The following FXYD3 variants were observed in gnomAD, a reference collection of about 807,000 sequenced individuals.
FXYD3 encodes the protein FXYD domain containing ion transport regulator 3, also known as FXYD domain-containing ion transport regulator 3.
FXYD3 carries 13 observed loss-of-function variants against 19.2 expected under a neutral mutation model. That is an observed-to-expected ratio of 0.68 (90% CI 0.44 to 1.08). The LOEUF is 1.08. Among genes scored for constraint, FXYD3 ranks in the 50% least tolerant of loss-of-function variants. The pLI, the probability that FXYD3 is intolerant of heterozygous loss-of-function variation, is 0.00. For missense variants in FXYD3, 101 were observed against 109.4 expected (o/e 0.92, Z 0.34); for synonymous variants, 48 against 38.9 (o/e 1.23, Z -0.87).
At chr19:35,119,713 C>T in intron 3 of FXYD3, 1 of 477,410 alleles carries the variant, frequency 2.1e-6, no homozygotes, top group Non-Finnish European at 3.8e-6. Context: ...CTCTGTTGCT[C>T]AGGCTGGAGT....
chr19:35,119,108 C>A, intron 2 of FXYD3: 2 of 1,239,694 alleles, frequency 1.6e-6, no homozygotes, highest in Non-Finnish European at 2.3e-6. Context: ...GGTTGCGGGG[C>A]GATTCCCAGA....
rs765187472 is a variant in FXYD3 at position 35,119,376 on chromosome 19, C to G, written c.-1C>G. 6.2e-7 allele frequency: 1 copy of G among 1,614,066 alleles called. No individual in the cohort carries two copies. Among genetic ancestry groups the G allele is most frequent in the Non-Finnish European group, 8.5e-7 (1 of 1,180,018 alleles). On this transcript the variant is annotated 5_prime_UTR_variant, in exon 3 of 9. Coordinates refer to ENST00000604404, the MANE Select transcript of FXYD3 (RefSeq NM_005971.4). ...CCACCCCTCTAGGCCAGCGCTCTGA[C>G]ATGCAGAAGGTGACCCTGGGCCTGC...
rs777156888 is a variant in FXYD3 at position 35,121,253 on chromosome 19, C to T, written c.97+8C>T. On this transcript the variant is annotated splice_region_variant and intron_variant, in intron 5 of 8. Transcript: ENST00000604404. ...ACAGTCCTTTCTACTATGGTGAGAG[C>T]CCGTGCCCCCTTTCCCCTCCCCACA... The T allele has an allele frequency of 1.9e-6, 3 of 1,613,782 alleles. No homozygotes were observed. In the Admixed American group the frequency reaches 5.0e-5, roughly 27 times the overall value.
intron 7 of FXYD3, 143 bp from the exon 8 acceptor site, chr19:35,123,128 A>C: frequency 6.8e-7 from 1 of 1,472,308 alleles, no homozygotes; most frequent in Non-Finnish European, 9.0e-7. Flanking sequence ...CCAAATCCTG[A>C]AATGCTTTGG....
Position 35,121,033 on chromosome 19 carries a change from A to G in FXYD3, c.41-45A>G, listed in dbSNP as rs764576490. On this transcript the variant is annotated intron_variant, in intron 3 of 8. Transcript: ENST00000604404. ...CAGGCCCTGCCCAAAGGCTTGGCTG[A>G]GGCCGGCATCACCATCTCCCCTCCT... 20 of 1,610,276 alleles carry G rather than the reference A, an allele frequency of 1.2e-5. No individual in the cohort carries two copies. The South Asian group carries it at 2.0e-4, about 16-fold the overall frequency.
chr19:35,117,093 C>T (rs1482646820), intron 2 of FXYD3: 1 of 985,196 alleles, frequency 1.0e-6, no homozygotes, highest in African/African-American at 1.7e-5. Flanking sequence ...GACAGAGCAT[C>T]AGCTGCAGGG....
At chr19:35,116,228 G>C in intron 1 of FXYD3, 36 bp from the exon 2 acceptor site, 1 of 985,440 alleles carries the variant, frequency 1.0e-6, no homozygotes, top group African/African-American at 1.7e-5. Flanking sequence ...GAGCCCCTGG[G>C]CCTCAGGGCA....
intron 5 of FXYD3, 51 bp from the exon 6 acceptor site, chr19:35,122,714 A>C: frequency 7.1e-7 from 1 of 1,409,864 alleles, no homozygotes; most frequent in Non-Finnish European, 1.0e-6. Context: ...ATGGGGGGAC[A>C]GATGGAGAGG....
chr19:35,123,106 C>T (rs942710675), intron 7 of FXYD3, 152 bp downstream of exon 7: 18 of 1,460,132 alleles, frequency 1.2e-5, no homozygotes, highest in Non-Finnish European at 7.2e-6. Context: ...AGCTGGTAAT[C>T]CCCAGGGGGC....
At chr19:35,118,102 TC>T (rs2064941434) in intron 2 of FXYD3, 1 of 152,214 alleles carries the variant, frequency 6.6e-6, no homozygotes, top group South Asian at 2.1e-4. Flanking sequence ...ACACCTGTAA[TC>T]CCAGCACTGA....
Position 35,116,274 on chromosome 19 carries a change from G to A in FXYD3, c.-100G>A, listed in dbSNP as rs1665353637. On this transcript the variant is annotated 5_prime_UTR_variant, in exon 2 of 9. Coordinates refer to ENST00000604404, the MANE Select transcript of FXYD3 (RefSeq NM_005971.4). The stretch of plus-strand genomic sequence containing the variant: ...TTTCTACCTGCCCAGGTTTGCTTAG[G>A]GCGTGGCAGCTTCGGATAAACGCAG... 1 of 985,312 alleles carries A rather than the reference G, an allele frequency of 1.0e-6. No homozygotes were observed. Among genetic ancestry groups the A allele is most frequent in the African/African-American group, 1.7e-5 (1 of 57,220 alleles). The allele number at this position is 985,312 out of a possible 1,614,324, so 61.0% of individuals were successfully genotyped here.
chr19:35,117,358 C>G, intron 2 of FXYD3: 4 of 1,504,712 alleles, frequency 2.7e-6, no homozygotes, highest in Non-Finnish European at 3.5e-6. Flanking sequence ...TTGGAGGAGC[C>G]CCTGGAAAGA....
At position 35,119,269 on chromosome 19, in the gene FXYD3, C is replaced by T. The variant is rs74977552; in HGVS notation, c.-14-94C>T. On this transcript the variant is annotated intron_variant, in intron 2 of 8. Coordinates refer to ENST00000604404, the MANE Select transcript of FXYD3 (RefSeq NM_005971.4). ...TGTCCCGGGTGAGCTGCGCACCCTG[C>T]CTGGGGAGCAGGGGAGGAGGGTTGG... 1,759 of 1,610,864 alleles carry T rather than the reference C, an allele frequency of 1.1e-3. 18 individuals are homozygous for T. The African/African-American group carries it at 0.02, about 19-fold the overall frequency.
In FXYD3 at chr19:35,121,285, C is replaced by CA. The variant is rs771232295; in HGVS notation, c.97+41dup. On this transcript the variant is annotated intron_variant, in intron 5 of 8. Coordinates refer to ENST00000604404, the MANE Select transcript of FXYD3 (RefSeq NM_005971.4). ...CCCCTTTCCCCTCCCCACAACCCCA[C>CA]ATACTGCTTGGTGCCAAGGGTTCCC... is the stretch of plus-strand genomic sequence containing the variant. 4.3e-5 allele frequency: 70 copies of CA among 1,614,080 alleles called. No homozygotes were observed. The Middle Eastern group carries it at 2.3e-3, about 53-fold the overall frequency.
At chr19:35,118,067 A>G (rs2064940503) in intron 2 of FXYD3, 1 of 152,328 alleles carries the variant, frequency 6.6e-6, no homozygotes, top group African/African-American at 2.4e-5. Flanking sequence ...TATCAAAATT[A>G]TAACTAGGCC....
chr19:35,123,495 C>T lies in FXYD3; in HGVS notation c.*38C>T. On this transcript the variant is annotated 3_prime_UTR_variant, in exon 9 of 9. Coordinates refer to ENST00000604404, the MANE Select transcript of FXYD3 (RefSeq NM_005971.4). The stretch of plus-strand genomic sequence containing the variant: ...AGCTGAAATTGGGTGGAGGACCGTT[C>T]TCTGTCCCCAGGTCCTGTCTCTGCA... 6.2e-7 allele frequency: 1 copy of T among 1,611,586 alleles called. No homozygotes were observed. Among genetic ancestry groups the T allele is most frequent in the Non-Finnish European group, 8.5e-7 (1 of 1,177,676 alleles).
rs563604466 is a variant in FXYD3 at position 35,120,877 on chromosome 19, G to A, written c.41-201G>A. 1.7e-4 allele frequency among the ~76,000 whole-genome samples: 26 copies of A among 152,370 alleles called. 1 individual carries two copies. The South Asian group carries it at 5.0e-3, about 29-fold the overall frequency. ...CCATTTCAGGTGGCAGAATGCTGGCGTGACTCGGAGGTGTGGGGCTGAGTG... is the reference window on the plus strand; with the variant it reads ...CCATTTCAGGTGGCAGAATGCTGGCATGACTCGGAGGTGTGGGGCTGAGTG... On this transcript the variant is annotated intron_variant, in intron 3 of 8. Transcript: ENST00000604404.
In FXYD3 at chr19:35,123,557, C is replaced by A; in HGVS notation, c.*100C>A. 1 of 1,243,234 alleles carries A rather than the reference C, an allele frequency of 8.0e-7. No homozygotes were observed. The highest frequency in any genetic ancestry group is 1.2e-6 in the Non-Finnish European group (1 of 851,430). 77.0% of individuals were successfully genotyped at this position (1,243,234 alleles called of 1,614,324 possible). ...ACTCCAGGATGGAATTCTTCCTCCTCTGCTGGGACTCCTTTGCATGGCAGG... is the reference window on the plus strand; with the variant it reads ...ACTCCAGGATGGAATTCTTCCTCCTATGCTGGGACTCCTTTGCATGGCAGG... On this transcript the variant is annotated 3_prime_UTR_variant, in exon 9 of 9. Transcript: ENST00000604404.
At chr19:35,122,021 G>A (rs970049842) in intron 5 of FXYD3, among the ~76,000 whole-genome samples, 1 of 151,876 alleles carries the variant, frequency 6.6e-6, no homozygotes, top group Admixed American at 6.6e-5. Context: ...TGTAGAGATG[G>A]GTTCTCACTA....
Sources: gnomAD v4.1 joint callset for allele counts (sites outside exome capture counted in the v4.1 genomes callset) on GRCh38, gnomAD v4.1.1 for gene constraint, MANE v1.5 for transcripts, NCBI Gene and HGNC (gene_info 2026-07-23, HGNC 2026-07-21) for gene names.